The following LRMDA variants were observed in gnomAD, a reference collection of about 807,000 sequenced individuals.
The protein encoded by LRMDA is leucine rich melanocyte differentiation associated, also known as leucine-rich melanocyte differentiation-associated protein.
A neutral mutation model predicts 29.8 loss-of-function variants in LRMDA; 18 were observed. The observed-to-expected ratio is 0.60, with a 90% CI of 0.42 to 0.90. LRMDA has a LOEUF of 0.90. Among genes scored for constraint, LRMDA ranks in the 40% least tolerant of loss-of-function variants. LRMDA has a pLI of 0.00. For missense variants in LRMDA, 273 were observed against 273.9 expected, an observed-to-expected ratio of 1.00 and a Z score of 0.02; for synonymous variants, 125 against 109.4, an observed-to-expected ratio of 1.14 and a Z score of -0.89.
At chr10:75,831,137 C>T (rs749970803) in intron 2 of LRMDA, among the ~76,000 whole-genome samples, 6 of 152,104 alleles carry the variant, frequency 3.9e-5, no homozygotes, top group Non-Finnish European at 7.4e-5. Context: ...GCTCCGCCTC[C>T]TGGGTTCACG....
chr10:75,703,996 A>G (rs1228964755), intron 2 of LRMDA, among the ~76,000 whole-genome samples: 1 of 152,232 alleles, frequency 6.6e-6, no homozygotes, highest in Non-Finnish European at 1.5e-5. Flanking sequence ...AAATGTGCCG[A>G]CGCTTGCTAT....
At chr10:75,858,407 T>C (rs1445978373) in intron 2 of LRMDA, among the ~76,000 whole-genome samples, 2 of 152,198 alleles carry the variant, frequency 1.3e-5, no homozygotes, top group African/African-American at 2.4e-5. Context: ...CCACTAATTA[T>C]CACAGTACAG....
intron 5 of LRMDA, among the ~76,000 whole-genome samples, chr10:76,144,371 G>C (rs992944592): frequency 3.3e-5 from 5 of 152,200 alleles, no homozygotes; most frequent in African/African-American, 9.6e-5. Context: ...ATTTCCTTGA[G>C]CAGTGGTTTG....
chr10:75,861,937 T>C (rs1012502294), intron 2 of LRMDA, among the ~76,000 whole-genome samples: 2 of 152,276 alleles, frequency 1.3e-5, no homozygotes, highest in South Asian at 4.2e-4. Context: ...ACCTAGCCAA[T>C]GTGGAGAGAA....
intron 2 of LRMDA, among the ~76,000 whole-genome samples, chr10:75,722,103 G>A (rs1032339855): frequency 5.3e-5 from 8 of 152,026 alleles, no homozygotes; most frequent in East Asian, 1.9e-4. Context: ...GATTTTAGTC[G>A]GGGAGAGGCC....
intron 5 of LRMDA, among the ~76,000 whole-genome samples, chr10:76,166,464 C>G (rs1420351567): frequency 6.6e-6 from 1 of 152,170 alleles, no homozygotes; most frequent in Non-Finnish European, 1.5e-5. Flanking sequence ...CCTCTCCCTC[C>G]TCTCAACCTC....
At chr10:75,559,946 T>A (rs1008533829) in intron 2 of LRMDA, among the ~76,000 whole-genome samples, 1 of 142,814 alleles carries the variant, frequency 7.0e-6, no homozygotes, top group African/African-American at 2.5e-5. Flanking sequence ...CCTTGTAGTA[T>A]AGTTTGAAGT....
At chr10:76,499,782 A>T (rs1842898793) in intron 6 of LRMDA, among the ~76,000 whole-genome samples, 1 of 74,916 alleles carries the variant, frequency 1.3e-5, no homozygotes, top group Non-Finnish European at 4.4e-5. Flanking sequence ...TTTAATTATC[A>T]TGTCTCCTTA....
intron 2 of LRMDA, among the ~76,000 whole-genome samples, chr10:75,976,320 C>A (rs560544466): frequency 6.6e-6 from 1 of 152,328 alleles, no homozygotes; most frequent in African/African-American, 2.4e-5. Context: ...TAAGTTGGTC[C>A]CTTCTTATCT....
intron 2 of LRMDA, among the ~76,000 whole-genome samples, chr10:75,535,136 T>C (rs912959364): frequency 6.6e-6 from 1 of 152,230 alleles, no homozygotes; most frequent in African/African-American, 2.4e-5. Context: ...AATTAGAAAT[T>C]CATTGTCATG....
chr10:76,371,313 G>T (rs890382159), intron 6 of LRMDA, among the ~76,000 whole-genome samples: 2 of 152,160 alleles, frequency 1.3e-5, no homozygotes, highest in Non-Finnish European at 2.9e-5. Flanking sequence ...GGGGTTTTGG[G>T]TCACAAAATG....
chr10:75,944,532 T>G (rs927400440), intron 2 of LRMDA, among the ~76,000 whole-genome samples: 5 of 151,280 alleles, frequency 3.3e-5, no homozygotes, highest in Admixed American at 1.3e-4. Context: ...CTACTGAGAC[T>G]CTAATTGCAT....
chr10:76,433,803 C>T (rs1842216656), intron 6 of LRMDA: 1 of 152,344 alleles, frequency 6.6e-6, no homozygotes, highest in Non-Finnish European at 1.5e-5. Flanking sequence ...TTCTAACCCT[C>T]TTAGAGTGAG....
chr10:76,555,276 A>G (rs143230523), intron 6 of LRMDA, among the ~76,000 whole-genome samples: 1 of 152,244 alleles, frequency 6.6e-6, no homozygotes, highest in East Asian at 1.9e-4. Context: ...AATGCCAACA[A>G]CTAAAAGAAT....
intron 6 of LRMDA, among the ~76,000 whole-genome samples, chr10:76,337,456 G>A (rs1840983294): frequency 6.6e-6 from 1 of 152,116 alleles, no homozygotes; most frequent in African/African-American, 2.4e-5. Context: ...CTGGGGAGGT[G>A]AGGCATGGAA....
chr10:76,007,900 T>G (rs770124045), intron 2 of LRMDA, among the ~76,000 whole-genome samples: 2 of 152,184 alleles, frequency 1.3e-5, no homozygotes, highest in Non-Finnish European at 2.9e-5. Context: ...ATCCAGTAAT[T>G]TATTCGATTT....
At chr10:76,411,754 G>C (rs1421042255) in intron 6 of LRMDA, among the ~76,000 whole-genome samples, 1 of 152,218 alleles carries the variant, frequency 6.6e-6, no homozygotes, top group African/African-American at 2.4e-5. Context: ...CCCTGACAGG[G>C]GGCACAGTCT....
intron 6 of LRMDA, among the ~76,000 whole-genome samples, chr10:76,523,659 G>T (rs1297198902): frequency 6.6e-6 from 1 of 152,168 alleles, no homozygotes; most frequent in Non-Finnish European, 1.5e-5. Context: ...TATGGTCCTC[G>T]TTCAGGCACA....
chr10:75,829,203 G>T (rs1844296807), intron 2 of LRMDA, among the ~76,000 whole-genome samples: 1 of 151,992 alleles, frequency 6.6e-6, no homozygotes, highest in Non-Finnish European at 1.5e-5. Flanking sequence ...GAGATATGAG[G>T]CCATCCTCTT....
Sources: gnomAD v4.1 joint callset for allele counts (sites outside exome capture counted in the v4.1 genomes callset) on GRCh38, gnomAD v4.1.1 for gene constraint, MANE v1.5 for transcripts, NCBI Gene and HGNC (gene_info 2026-07-23, HGNC 2026-07-21) for gene names.